NXPH1: variants seen among roughly 807,000 people sequenced by gnomAD.
NXPH1 encodes neurexophilin 1, also known as neurexophilin-1.
In NXPH1, 5 loss-of-function variants were observed where a neutral mutation model predicts 23.7. That is an observed-to-expected ratio of 0.21 (90% CI 0.11 to 0.44). The LOEUF is 0.44. Among genes scored for constraint, NXPH1 ranks in the 20% least tolerant of loss-of-function variants. The pLI, the probability that NXPH1 is intolerant of heterozygous loss-of-function variation, is 0.99. For missense variants in NXPH1, 324 were observed against 321.6 expected, an observed-to-expected ratio of 1.01 and a Z score of -0.06; for synonymous variants, 144 against 122.2, an observed-to-expected ratio of 1.18 and a Z score of -1.18.
At chr7:8,469,689 G>T (rs764346167) in intron 2 of NXPH1, among the ~76,000 whole-genome samples, 14 of 152,182 alleles carry the variant, frequency 9.2e-5, no homozygotes, top group Non-Finnish European at 1.5e-4. Flanking sequence ...TCGAATTGTG[G>T]ATTGAAATGC....
chr7:8,586,114 C>A (rs757680526), intron 2 of NXPH1, among the ~76,000 whole-genome samples: 2 of 152,072 alleles, frequency 1.3e-5, no homozygotes, highest in Non-Finnish European at 1.5e-5. Context: ...ATGAACACAC[C>A]GTATCTATCT....
At chr7:8,735,435 A>C (rs878932813) in intron 2 of NXPH1, among the ~76,000 whole-genome samples, 1 of 152,180 alleles carries the variant, frequency 6.6e-6, no homozygotes, top group Non-Finnish European at 1.5e-5. Context: ...GTACTGTATT[A>C]TGTTTACTGA....
chr7:8,666,160 G>A (rs1415805708), intron 2 of NXPH1, among the ~76,000 whole-genome samples: 2 of 151,880 alleles, frequency 1.3e-5, no homozygotes, highest in Non-Finnish European at 2.9e-5. Context: ...TTTCACCACT[G>A]AGTATGTTAG....
At chr7:8,550,502 A>C (rs992700408) in intron 2 of NXPH1, among the ~76,000 whole-genome samples, 1 of 151,580 alleles carries the variant, frequency 6.6e-6, no homozygotes, top group South Asian at 2.1e-4. Flanking sequence ...AATCCTATAA[A>C]GTCTTCCCAT....
chr7:8,461,539 A>G (rs1816693960), intron 2 of NXPH1, among the ~76,000 whole-genome samples: 1 of 152,096 alleles, frequency 6.6e-6, no homozygotes, highest in African/African-American at 2.4e-5. Context: ...CACTTTAAGA[A>G]TAAACACACG....
chr7:8,464,237 C>T (rs528977937), intron 2 of NXPH1, among the ~76,000 whole-genome samples: 32 of 152,278 alleles, frequency 2.1e-4, no homozygotes, highest in African/African-American at 6.3e-4. Flanking sequence ...TATATCCCCC[C>T]GTAAAACCTT....
intron 2 of NXPH1, among the ~76,000 whole-genome samples, chr7:8,711,922 G>C (rs1779802325): frequency 6.6e-6 from 1 of 152,212 alleles, no homozygotes. Flanking sequence ...CCAGGGTCAG[G>C]AATTCTGACT....
Position 8,751,013 on chromosome 7 carries a change from A to G in NXPH1, c.60A>G (p.Thr20=), listed in dbSNP as rs1457263817. Residue 20 remains threonine (T), a synonymous_variant, in exon 3 of 3, where the codon ACA becomes ACG. Coordinates refer to ENST00000405863, the MANE Select transcript of NXPH1 (RefSeq NM_152745.3). This position sits in a 1 kb window ranked among gnomAD's most constrained non-coding sequence, Gnocchi z 4.5. ...TTTTTCTCTTCTGTTTTCAGGTCACATGTGCCAATTTAACGAACGGTGGAA... is the reference window on the plus strand; with the variant it reads ...TTTTTCTCTTCTGTTTTCAGGTCACGTGTGCCAATTTAACGAACGGTGGAA... The part of the protein sequence containing the change: ...FLLQPTVYLV[T]CANLTNGGKS... The G allele has an allele frequency of 8.1e-6, 13 of 1,613,412 alleles. No homozygotes were observed. The highest frequency in any genetic ancestry group is 2.2e-5 in the East Asian group (1 of 44,896).
chr7:8,706,027 A>G (rs1200523011), intron 2 of NXPH1, among the ~76,000 whole-genome samples: 1 of 152,204 alleles, frequency 6.6e-6, no homozygotes, highest in Non-Finnish European at 1.5e-5. Context: ...GTCCCAGTAG[A>G]CATAATAATA....
intron 2 of NXPH1, among the ~76,000 whole-genome samples, chr7:8,607,208 C>G (rs540176618): frequency 2.6e-5 from 4 of 152,034 alleles, no homozygotes; most frequent in Non-Finnish European, 5.9e-5. Flanking sequence ...AATAATTGGC[C>G]TATCCATAAT....
At chr7:8,619,800 T>A (rs963054169) in intron 2 of NXPH1, among the ~76,000 whole-genome samples, 3 of 152,218 alleles carry the variant, frequency 2.0e-5, no homozygotes, top group Admixed American at 6.5e-5. Flanking sequence ...TTTCATATGA[T>A]GTTTTCAGTA....
intron 2 of NXPH1, among the ~76,000 whole-genome samples, chr7:8,461,041 T>A (rs1361190533): frequency 1.3e-5 from 2 of 152,220 alleles, no homozygotes; most frequent in Non-Finnish European, 2.9e-5. Flanking sequence ...TGGATAAGTA[T>A]TGGATGGACT....
chr7:8,593,171 A>ATTTTTTTTTT (rs61424859), intron 2 of NXPH1, among the ~76,000 whole-genome samples: 2 of 141,626 alleles, frequency 1.4e-5, no homozygotes, highest in African/African-American at 2.6e-5. Context: ...AGTAAGAAGC[A>ATTTTTTTTTT]TTTTTTTTTT....
intron 2 of NXPH1, among the ~76,000 whole-genome samples, chr7:8,506,692 T>A (rs947281406): frequency 1.3e-5 from 2 of 151,926 alleles, no homozygotes; most frequent in African/African-American, 4.8e-5. Flanking sequence ...GGAGGTGATG[T>A]TTGAGATAAG....
intron 2 of NXPH1, among the ~76,000 whole-genome samples, chr7:8,611,552 G>T (rs927364056): frequency 6.6e-6 from 1 of 152,112 alleles, no homozygotes; most frequent in Admixed American, 6.6e-5. Context: ...TTTTCACCAG[G>T]ACTCAGTGTG....
intron 2 of NXPH1, among the ~76,000 whole-genome samples, chr7:8,531,158 A>G (rs1303899795): frequency 6.6e-6 from 1 of 152,272 alleles, no homozygotes; most frequent in East Asian, 1.9e-4. Context: ...CTGCCAGCCT[A>G]TTAAGCCATG....
intron 2 of NXPH1, among the ~76,000 whole-genome samples, chr7:8,632,242 A>G (rs1176420075): frequency 1.3e-5 from 2 of 152,194 alleles, no homozygotes; most frequent in Non-Finnish European, 2.9e-5. Context: ...AAATCTTATG[A>G]TGACTAACCA....
intron 2 of NXPH1, among the ~76,000 whole-genome samples, chr7:8,540,750 C>T (rs73050628): frequency 0.063 from 9,630 of 151,762 alleles, 408 homozygotes; most frequent in Non-Finnish European, 0.096. Flanking sequence ...TTAGGGGTAA[C>T]AGTGGCTAAC....
chr7:8,567,976 C>T (rs942336614), intron 2 of NXPH1, among the ~76,000 whole-genome samples: 14 of 151,720 alleles, frequency 9.2e-5, no homozygotes, highest in African/African-American at 1.7e-4. Context: ...ATAATTTGGC[C>T]GAATACAGGT....
Sources: gnomAD v4.1 joint callset for allele counts (sites outside exome capture counted in the v4.1 genomes callset) on GRCh38, gnomAD v4.1.1 for gene constraint, Gnocchi (gnomAD v3.1) non-coding constraint, MANE v1.5 for transcripts, NCBI Gene and HGNC (gene_info 2026-07-23, HGNC 2026-07-21) for gene names.